ATP7B: variants seen among roughly 807,000 people sequenced by gnomAD.
The protein encoded by ATP7B is ATPase copper transporting beta.
A neutral mutation model predicts 118.9 loss-of-function variants in ATP7B; 113 were observed. That is an observed-to-expected ratio of 0.95 (90% CI 0.82 to 1.11). The LOEUF (loss-of-function observed/expected upper bound fraction) is 1.11, where lower values mean the gene tolerates loss of function less well. ATP7B is among the 50% of genes most tolerant of loss of function. ATP7B has a pLI of 0.00. For missense variants in ATP7B, 1,867 were observed against 1,871.4 expected, an observed-to-expected ratio of 1.00 and a Z score of 0.04; for synonymous variants, 777 against 727.4, an observed-to-expected ratio of 1.07 and a Z score of -1.10.
intron 9 of ATP7B, among the ~76,000 whole-genome samples, chr13:51,955,720 C>G (rs1201788950): frequency 6.6e-6 from 1 of 152,042 alleles, no homozygotes; most frequent in Admixed American, 6.6e-5. Context: ...CAGCTGCCAG[C>G]GGCTTGGCTC....
At chr13:51,985,747 C>T (rs1952623155) in intron 1 of ATP7B, among the ~76,000 whole-genome samples, 1 of 152,158 alleles carries the variant, frequency 6.6e-6, no homozygotes, top group African/African-American at 2.4e-5. Context: ...CAAATTAGAA[C>T]TCAGGATTAA....
chr13:52,010,033 T>C (rs1019180698), intron 1 of ATP7B, among the ~76,000 whole-genome samples: 1 of 152,130 alleles, frequency 6.6e-6, no homozygotes, highest in African/African-American at 2.4e-5. Flanking sequence ...CAGGAGCAGT[T>C]ACAGAACGTT....
rs1956918164 is a variant in ATP7B, at chr13:51,935,700, G to C, written c.4022-5C>G. On this transcript the variant is annotated splice_region_variant and splice_polypyrimidine_tract_variant and intron_variant, in intron 19 of 20. Coordinates refer to ENST00000242839, the MANE Select transcript of ATP7B (RefSeq NM_000053.4). ...TGCCGATGGGCATGAAGACACCTGG[G>C]GAAGAAAGAACTCGCACTCACACCT... 3 of 1,610,258 alleles carry C rather than the reference G, an allele frequency of 1.9e-6. No individual in the cohort carries two copies. Among genetic ancestry groups the C allele is most frequent in the Non-Finnish European group, 1.7e-6 (2 of 1,178,532 alleles).
Position 51,975,266 on chromosome 13 carries a change from C to T in ATP7B, c.52-98G>A, listed in dbSNP as rs199758552. ...ACTGAGAAAATGGAAAACAATGCCA[C>T]TGGTGTCAAAATATCCCAAGGGTAG... On this transcript the variant is annotated intron_variant, in intron 1 of 20. Transcript: ENST00000242839. 2,034 of 1,468,914 alleles carry T rather than the reference C, an allele frequency of 1.4e-3. 5 individuals carry two copies. Among genetic ancestry groups the T allele is most frequent in the Non-Finnish European group, 1.7e-3 (1,792 of 1,051,402 alleles). The allele number at this position is 1,468,914 out of a possible 1,614,324, so 91.0% of individuals were successfully genotyped here. A position where few individuals can be genotyped will look rare whatever the true frequency, so the allele number is the denominator to read the frequency against.
intron 19 of ATP7B, among the ~76,000 whole-genome samples, chr13:51,937,014 A>G (rs1356251240): frequency 6.6e-6 from 1 of 152,196 alleles, no homozygotes; most frequent in Non-Finnish European, 1.5e-5. Flanking sequence ...TAAGGCCACA[A>G]TAAAATAGGG....
chr13:51,977,401 CAT>C (rs2140158258), intron 1 of ATP7B, among the ~76,000 whole-genome samples: 1 of 152,048 alleles, frequency 6.6e-6, no homozygotes, highest in Admixed American at 6.5e-5. Context: ...GACACAAACA[CAT>C]ACATTAGCCT....
chr13:51,973,880 A>G (rs1440012756), intron 2 of ATP7B, 55 bp downstream of exon 2: 1 of 1,611,778 alleles, frequency 6.2e-7, no homozygotes, highest in Non-Finnish European at 8.5e-7. Context: ...AGGAGCTATA[A>G]GACACAAAGA....
At chr13:51,959,185 A>G (rs1288332022) in intron 7 of ATP7B, 1 of 155,834 alleles carries the variant, frequency 6.4e-6, no homozygotes, top group Non-Finnish European at 1.4e-5. Context: ...TACGGTTTGA[A>G]TTGTTAATAA....
intron 1 of ATP7B, among the ~76,000 whole-genome samples, chr13:52,004,601 C>T (rs1000732305): frequency 6.6e-6 from 1 of 152,144 alleles, no homozygotes; most frequent in Non-Finnish European, 1.5e-5. Flanking sequence ...TTTTTTATTC[C>T]TTATTTTTAT....
At chr13:51,948,937 T>C (rs1957824608) in intron 12 of ATP7B, among the ~76,000 whole-genome samples, 1 of 152,144 alleles carries the variant, frequency 6.6e-6, no homozygotes, top group Admixed American at 6.6e-5. Context: ...CCCAGCACTT[T>C]AGGAGGCCGA....
chr13:51,947,215 T>C (rs1177794538), intron 12 of ATP7B, among the ~76,000 whole-genome samples: 1 of 152,218 alleles, frequency 6.6e-6, no homozygotes, highest in Non-Finnish European at 1.5e-5. Flanking sequence ...TGCTGGGATT[T>C]ATTCGTGCAA....
intron 1 of ATP7B, among the ~76,000 whole-genome samples, chr13:51,986,395 A>T (rs12873503): frequency 6.6e-6 from 1 of 152,222 alleles, no homozygotes; most frequent in Non-Finnish European, 1.5e-5. Flanking sequence ...TAGACAAATA[A>T]CAAGTTCTGA....
chr13:51,999,712 C>T (rs1304699091), intron 1 of ATP7B, among the ~76,000 whole-genome samples: 1 of 152,168 alleles, frequency 6.6e-6, no homozygotes, highest in Non-Finnish European at 1.5e-5. Context: ...TCTAGCAGCT[C>T]AACAAGAATG....
chr13:51,942,124 G>A (rs527495402), intron 15 of ATP7B, among the ~76,000 whole-genome samples: 5 of 152,328 alleles, frequency 3.3e-5, no homozygotes, highest in Non-Finnish European at 5.9e-5. Context: ...AAGCAAGACC[G>A]ATATGGGATA....
chr13:51,967,398 C>T (rs527254347), intron 4 of ATP7B, among the ~76,000 whole-genome samples: 2 of 152,314 alleles, frequency 1.3e-5, no homozygotes, highest in East Asian at 1.9e-4. Context: ...GAAATGTACA[C>T]CTTTTCCAAT....
At chr13:51,993,622 A>T (rs545557775) in intron 1 of ATP7B, among the ~76,000 whole-genome samples, 18 of 152,212 alleles carry the variant, frequency 1.2e-4, no homozygotes, top group Non-Finnish European at 2.5e-4. Flanking sequence ...CTGTGCTCAG[A>T]TAGATTACTG....
At chr13:51,970,417 G>T in intron 3 of ATP7B, 75 bp downstream of exon 3, 3 of 1,595,836 alleles carry the variant, frequency 1.9e-6, no homozygotes, top group Admixed American at 1.7e-5. Flanking sequence ...AAACACAGTT[G>T]CTGGGTATTC....
Position 52,008,413 on chromosome 13 carries a change from T to C in ATP7B, c.51+2874A>G, listed in dbSNP as rs143763939. On this transcript the variant is annotated intron_variant, in intron 1 of 20. Transcript: ENST00000242839. The stretch of plus-strand genomic sequence containing the variant: ...CACTGATTAGATCATTGTCCACTGG[T>C]GATTGGCACAATCTCCAGAGGTTGG... 4.8e-3 allele frequency among the ~76,000 whole-genome samples: 733 copies of C among 152,290 alleles called. 5 individuals are homozygous for C. Among genetic ancestry groups the C allele is most frequent in the African/African-American group, 0.017 (697 of 41,566 alleles).
chr13:51,942,219 C>T (rs1175789174), intron 15 of ATP7B, among the ~76,000 whole-genome samples, 167 bp downstream of exon 15: 1 of 152,202 alleles, frequency 6.6e-6, no homozygotes, highest in Admixed American at 6.5e-5. Flanking sequence ...TTTAGACGCA[C>T]CCAAGAACAT....
Sources: allele counts gnomAD v4.1 joint callset (sites outside exome capture counted in the v4.1 genomes callset), GRCh38; gene constraint gnomAD v4.1.1; transcripts MANE v1.5; gene names NCBI Gene and HGNC (gene_info 2026-07-23, HGNC 2026-07-21).